FBXO10: variants seen among roughly 807,000 people sequenced by gnomAD.
FBXO10 encodes the protein F-box protein 10.
FBXO10 carries 39 observed loss-of-function variants against 80.7 expected under a neutral mutation model. The ratio of observed to expected loss-of-function variants is 0.48; its 90% CI spans 0.37 to 0.63. FBXO10 has a LOEUF of 0.63. FBXO10 is among the 30% of genes least tolerant of loss of function. FBXO10 has a pLI of 0.00. For missense variants in FBXO10, 1,025 were observed against 1,269.0 expected, an observed-to-expected ratio of 0.81 and a Z score of 2.92; for synonymous variants, 449 against 489.6, an observed-to-expected ratio of 0.92 and a Z score of 1.09.
intron 8 of FBXO10, among the ~76,000 whole-genome samples, chr9:37,520,516 CT>C (rs1377730018): frequency 8.4e-6 from 1 of 119,044 alleles, no homozygotes; most frequent in Non-Finnish European, 1.7e-5. Flanking sequence ...TCTACTCCTT[CT>C]TCTTCTTTTT....
At position 37,531,395 on chromosome 9, in the gene FBXO10, G is replaced by A. The variant is rs141651380; in HGVS notation, c.1569+514C>T. ...AGAGCAGAAAAGGAGCTGGTCTCTC[G>A]TGTCACTGGCCACACAGTCTAGGAT... is the stretch of plus-strand genomic sequence containing the variant. On this transcript the variant is annotated intron_variant, in intron 4 of 10. Coordinates refer to ENST00000432825, the MANE Select transcript of FBXO10 (RefSeq NM_012166.3). Among the ~76,000 whole-genome samples the A allele has an allele frequency of 7.3e-3, 1,109 of 152,286 alleles. 15 individuals are homozygous for A. Among genetic ancestry groups the A allele is most frequent in the African/African-American group, 0.025 (1,054 of 41,556 alleles).
At position 37,541,412 on chromosome 9, in the gene FBXO10, G is replaced by A; in HGVS notation, c.357C>T (p.Asp119=). The A allele has an allele frequency of 3.7e-6, 6 of 1,614,042 alleles. No homozygotes were observed. The highest frequency in any genetic ancestry group is 5.1e-6 in the Non-Finnish European group (6 of 1,179,880). The change falls in exon 2 of 11, where the codon GAC becomes GAT. Residue 119 remains aspartate (D), a synonymous_variant. Coordinates refer to ENST00000432825, the MANE Select transcript of FBXO10 (RefSeq NM_012166.3). ...TLSVGPGREF[D]SLGSALAMAS... ...CCATGGCCAAGGCACTGCCCAGGCTGTCAAACTCACGGCCTGGCCCAACAC... is the reference window on the plus strand; with the variant it reads ...CCATGGCCAAGGCACTGCCCAGGCTATCAAACTCACGGCCTGGCCCAACAC...
chr9:37,574,465 G>A (rs1423815278), intron 1 of FBXO10, among the ~76,000 whole-genome samples: 1 of 152,124 alleles, frequency 6.6e-6, no homozygotes, highest in South Asian at 2.1e-4. Context: ...TGGTGAAGGC[G>A]GCTCTTCTCA....
At position 37,541,645 on chromosome 9, in the gene FBXO10, T is replaced by C. The variant is rs1821923531; in HGVS notation, c.124A>G (p.Ser42Gly). 6.2e-7 allele frequency: 1 copy of C among 1,613,804 alleles called. No homozygotes were observed. The highest frequency in any genetic ancestry group is 1.7e-5 in the Admixed American group (1 of 59,992). ...AGACACAGCTGCCGCCAGCGGGTGCTGTCGAGACTGAGGATCAGTTCATAC... is the reference window on the plus strand; with the variant it reads ...AGACACAGCTGCCGCCAGCGGGTGCCGTCGAGACTGAGGATCAGTTCATAC... Reference protein sequence around the residue: ...AWYELILSLDSTRWRQLCLGC... With the variant: ...AWYELILSLDGTRWRQLCLGC... The change falls in exon 2 of 11, where the codon AGC becomes GGC. Residue 42 changes from serine (S) to glycine (G), a missense_variant. By Grantham distance (56) the Ser-to-Gly change is moderately conservative. Around this residue, in one of 3 missense-constraint regions of FBXO10, gnomAD observed 450 missense variants for 499.4 expected, o/e 0.90. Coordinates refer to ENST00000432825, the MANE Select transcript of FBXO10 (RefSeq NM_012166.3).
At position 37,537,455 on chromosome 9, in the gene FBXO10, C is replaced by A. The variant is rs373735502; in HGVS notation, c.1074G>T (p.Leu358=). 8.6e-5 allele frequency: 138 copies of A among 1,605,036 alleles called. No homozygotes were observed. Among genetic ancestry groups the A allele is most frequent in the Non-Finnish European group, 1.2e-4 (137 of 1,175,768 alleles). The change falls in exon 3 of 11, where the codon CTG becomes CTT. Residue 358 remains leucine (L), a synonymous_variant. Coordinates refer to ENST00000432825, the MANE Select transcript of FBXO10 (RefSeq NM_012166.3). ...CATCTTCATCCTCACCGCTGGGACT[C>A]AGGCCTCCATCGCTGCTGTCCGGGG... ...AQTPDSSDGG[L]SPSGEDEDED... is the part of the protein sequence containing the mutation.
At chr9:37,572,361 T>G (rs1037222121) in intron 1 of FBXO10, among the ~76,000 whole-genome samples, 2 of 152,172 alleles carry the variant, frequency 1.3e-5, no homozygotes, top group Non-Finnish European at 2.9e-5. Flanking sequence ...TAAAGAAACT[T>G]GTTCAAATAC....
chr9:37,535,471 C>A (rs1211948857), intron 3 of FBXO10, among the ~76,000 whole-genome samples: 1 of 152,234 alleles, frequency 6.6e-6, no homozygotes, highest in African/African-American at 2.4e-5. Context: ...CCTGCCTCAG[C>A]CTCCCGAGTA....
At chr9:37,564,558 C>G (rs1177087476) in intron 1 of FBXO10, among the ~76,000 whole-genome samples, 1 of 152,206 alleles carries the variant, frequency 6.6e-6, no homozygotes, top group Admixed American at 6.5e-5. Flanking sequence ...GTGGAGCTGC[C>G]CAAGGCTGGG....
chr9:37,572,611 T>C (rs1190610531), intron 1 of FBXO10, among the ~76,000 whole-genome samples: 3 of 152,184 alleles, frequency 2.0e-5, no homozygotes, highest in African/African-American at 2.4e-5. Flanking sequence ...TAAAACTATA[T>C]TGTTTAGGGA....
In FBXO10 at chr9:37,518,355, C is replaced by A. The variant is rs1197253486; in HGVS notation, c.2284G>T (p.Val762Leu). 7.4e-6 allele frequency: 12 copies of A among 1,613,872 alleles called. No homozygotes were observed. The highest frequency in any genetic ancestry group is 1.0e-5 in the Non-Finnish European group (12 of 1,179,898). ...IHANGDRGITVAQSSQPTRVA... is the reference protein window; with the variant it reads ...IHANGDRGITLAQSSQPTRVA... ...CGGGTGGGTTGGCTGCTCTGGGCCA[C>A]AGTAATGCCTCTGTCCCCATTCGCG... Residue 762 changes from valine (V) to leucine (L), a missense_variant, in exon 9 of 11, where the codon GTG (valine) becomes TTG (leucine). Transcript: ENST00000432825.
In FBXO10 at chr9:37,566,948, T is replaced by C. The variant is rs1020755723; in HGVS notation, c.-7+9263A>G. 2.0e-5 allele frequency among the ~76,000 whole-genome samples: 3 copies of C among 152,240 alleles called. No homozygotes were observed. In the South Asian group the frequency reaches 6.2e-4, roughly 32 times the overall value. ...AGTGGGCTTGGAGCCATAAGGACCCTCTCTCCTTTCAATGCACTGCCTGTT... is the reference window on the plus strand; with the variant it reads ...AGTGGGCTTGGAGCCATAAGGACCCCCTCTCCTTTCAATGCACTGCCTGTT... On this transcript the variant is annotated intron_variant, in intron 1 of 10. Coordinates refer to ENST00000432825, the MANE Select transcript of FBXO10 (RefSeq NM_012166.3).
intron 9 of FBXO10, among the ~76,000 whole-genome samples, 175 bp downstream of exon 9, chr9:37,517,950 T>TC (rs1026624717): frequency 4.7e-5 from 7 of 149,992 alleles, no homozygotes; most frequent in East Asian, 2.0e-4. Flanking sequence ...AGCTTCTCCG[T>TC]CCCCCCCTGT....
intron 1 of FBXO10, among the ~76,000 whole-genome samples, chr9:37,560,385 C>G (rs972793240): frequency 6.6e-6 from 1 of 152,074 alleles, no homozygotes; most frequent in Non-Finnish European, 1.5e-5. Flanking sequence ...TAGTCACTGG[C>G]CTCTCAGGGG....
chr9:37,530,873 T>C (rs1200485423), intron 4 of FBXO10, among the ~76,000 whole-genome samples: 9 of 152,214 alleles, frequency 5.9e-5, no homozygotes, highest in Non-Finnish European at 4.4e-5. Context: ...ACTCCTGGAC[T>C]CAAGTGATCT....
At chr9:37,556,208 G>C (rs1458427799) in intron 1 of FBXO10, among the ~76,000 whole-genome samples, 1 of 152,144 alleles carries the variant, frequency 6.6e-6, no homozygotes, top group Admixed American at 6.5e-5. Context: ...CAGCACCACA[G>C]TATCACCACA....
At position 37,529,110 on chromosome 9, in the gene FBXO10, A is replaced by G. The variant is rs1400586977; in HGVS notation, c.1706+14T>C. 1 of 1,613,334 alleles carries G rather than the reference A, an allele frequency of 6.2e-7. No individual in the cohort carries two copies. The highest frequency in any genetic ancestry group is 2.2e-5 in the East Asian group (1 of 44,874). Reference sequence around the variant, plus strand: ...AGGTTAACAAAGATGAAGGAGGGAAACAGCAGCACACACCTCACAACGGGG... The same window carrying G: ...AGGTTAACAAAGATGAAGGAGGGAAGCAGCAGCACACACCTCACAACGGGG... On this transcript the variant is annotated intron_variant, in intron 5 of 10. Transcript: ENST00000432825.
At chr9:37,535,456 A>G (rs1337018435) in intron 3 of FBXO10, among the ~76,000 whole-genome samples, 1 of 152,016 alleles carries the variant, frequency 6.6e-6, no homozygotes, top group Non-Finnish European at 1.5e-5. Context: ...GGTTCAAGCA[A>G]TTCTCCTGCC....
rs376591967 is a variant in FBXO10 at position 37,548,751 on chromosome 9, CT to C, written c.-6-6978del. ...TTGGTTTGGATTACTATGACAGATC[CT>C]TTTTTTTTTCTTTTGAGACGGAGTC... On this transcript the variant is annotated intron_variant, in intron 1 of 10. Coordinates refer to ENST00000432825, the MANE Select transcript of FBXO10 (RefSeq NM_012166.3). 3.7e-3 allele frequency among the ~76,000 whole-genome samples: 553 copies of C among 149,416 alleles called. 4 individuals are homozygous for C. Among genetic ancestry groups the C allele is most frequent in the African/African-American group, 0.013 (511 of 40,820 alleles).
In FBXO10 at chr9:37,518,393, G is replaced by T; in HGVS notation, c.2246C>A (p.Thr749Asn). The T allele has an allele frequency of 6.2e-7, 1 of 1,612,950 alleles. No homozygotes were observed. Among genetic ancestry groups the T allele is most frequent in the Non-Finnish European group, 8.5e-7 (1 of 1,179,114 alleles). Residue 749 changes from threonine (T) to asparagine (N), a missense_variant, in exon 9 of 11, where the codon ACC becomes AAC. Physicochemically the swap from Thr to Asn is moderately conservative, Grantham distance 65. Coordinates refer to ENST00000432825, the MANE Select transcript of FBXO10 (RefSeq NM_012166.3). ...GTCCCCATTCGCGTGGATCACATTG[G>T]TGATGACATGCAGTGCCTCGCTGCT... ...VQSSEALHVI[T>N]NVIHANGDRG...
Sources: gnomAD v4.1 joint callset for allele counts (sites outside exome capture counted in the v4.1 genomes callset) on GRCh38, gnomAD v4.1.1 for gene constraint, gnomAD v4.1.1 regional missense constraint, MANE v1.5 for transcripts, NCBI Gene and HGNC (gene_info 2026-07-23, HGNC 2026-07-21) for gene names.